YAP1: variants seen among roughly 807,000 people sequenced by gnomAD.
YAP1 encodes the protein Yes1 associated transcriptional regulator, also known as transcriptional coactivator YAP1.
YAP1 carries 5 observed loss-of-function variants against 56.9 expected under a neutral mutation model. The observed-to-expected ratio is 0.09, with a 90% confidence interval of 0.05 to 0.18. The LOEUF (loss-of-function observed/expected upper bound fraction) is 0.18. Ranked by LOEUF, YAP1 falls within the 10% of genes least tolerant of loss-of-function variation. YAP1 has a pLI of 1.00. For synonymous variants in YAP1, 265 were observed against 248.1 expected (o/e 1.07, Z -0.64); for missense variants, 539 against 651.8 (o/e 0.83, Z 1.88).
At position 102,164,007 on chromosome 11, in the gene YAP1, T is replaced by A. The variant is rs1946444765; in HGVS notation, c.688+1436T>A. 2.0e-5 allele frequency among the ~76,000 whole-genome samples: 3 copies of A among 152,174 alleles called. No individual in the cohort carries two copies. In the South Asian group the frequency reaches 6.2e-4, roughly 31 times the overall value. Reference sequence around the variant, plus strand: ...ATACTACGAATACATTCTCAGAATCTCTTTTATATGTGACACTTAAGTAAA... The same window carrying A: ...ATACTACGAATACATTCTCAGAATCACTTTTATATGTGACACTTAAGTAAA... On this transcript the variant is annotated intron_variant, in intron 3 of 8. Transcript: ENST00000282441.
chr11:102,194,988 C>T (rs917145972), intron 4 of YAP1, among the ~76,000 whole-genome samples: 1 of 152,000 alleles, frequency 6.6e-6, no homozygotes, highest in Non-Finnish European at 1.5e-5. Context: ...GAACTCCTGT[C>T]CTGAAGCAGT....
chr11:102,176,625 A>G (rs374238287), intron 3 of YAP1, among the ~76,000 whole-genome samples: 24 of 151,822 alleles, frequency 1.6e-4, no homozygotes, highest in Middle Eastern at 3.4e-3. Context: ...GCACCCCTGT[A>G]ATCCCAGCTA....
At chr11:102,190,885 T>C (rs1018743361) in intron 4 of YAP1, among the ~76,000 whole-genome samples, 3 of 151,786 alleles carry the variant, frequency 2.0e-5, no homozygotes, top group African/African-American at 7.3e-5. Context: ...TGCAGTGAGC[T>C]AAGATGGTGC....
chr11:102,142,425 G>T (rs932432414), intron 2 of YAP1, among the ~76,000 whole-genome samples: 2 of 152,188 alleles, frequency 1.3e-5, no homozygotes, highest in Non-Finnish European at 2.9e-5. Context: ...AATTAAAGAA[G>T]TTTGAGATTT....
chr11:102,226,226 A>G (rs1950186725), intron 7 of YAP1, among the ~76,000 whole-genome samples: 1 of 152,210 alleles, frequency 6.6e-6, no homozygotes, highest in Admixed American at 6.5e-5. Context: ...ATGGTCTCAG[A>G]GGCAAATGTG....
chr11:102,174,056 C>G (rs1947080397), intron 3 of YAP1, among the ~76,000 whole-genome samples: 1 of 152,184 alleles, frequency 6.6e-6, no homozygotes, highest in East Asian at 1.9e-4. Flanking sequence ...ACCTGAGATT[C>G]TGCATTTCTA....
intron 2 of YAP1, among the ~76,000 whole-genome samples, chr11:102,127,996 G>C (rs1051664714): frequency 5.9e-5 from 9 of 152,254 alleles, no homozygotes; most frequent in South Asian, 4.1e-4. Flanking sequence ...TATTTACCCA[G>C]TACCTGTACC....
intron 6 of YAP1, among the ~76,000 whole-genome samples, chr11:102,218,919 T>TG (rs1332093705): frequency 6.6e-6 from 1 of 152,202 alleles, no homozygotes; most frequent in Non-Finnish European, 1.5e-5. Flanking sequence ...AGCAAGAACA[T>TG]GGAGAGTCTA....
In YAP1 at chr11:102,233,236, G is replaced by C. The variant is rs1455605863; in HGVS notation, c.*3296G>C. On this transcript the variant is annotated 3_prime_UTR_variant, in exon 9 of 9. Transcript: ENST00000282441. ...TCCACATTTTAAATGTTTTATATTA[G>C]AGAATTCTTTAATGCACACTTGTCA... 1.3e-5 allele frequency: 2 copies of C among 152,116 alleles called. No individual in the cohort carries two copies. Among genetic ancestry groups the C allele is most frequent in the Admixed American group, 6.5e-5 (1 of 15,268 alleles). The allele number at this position is 152,116 out of a possible 1,614,324, so 9.4% of individuals were successfully genotyped here. A position where few individuals can be genotyped will look rare whatever the true frequency, so the allele number is the denominator to read the frequency against.
At chr11:102,167,746 TA>T (rs1946687876) in intron 3 of YAP1, among the ~76,000 whole-genome samples, 1 of 152,040 alleles carries the variant, frequency 6.6e-6, no homozygotes, top group African/African-American at 2.4e-5. Context: ...AAAAAAGTCA[TA>T]ATTTATAAGG....
At position 102,110,806 on chromosome 11, in the gene YAP1, G is replaced by A; in HGVS notation, c.-43G>A. ...GCCGGGGCGTCCGGGCGTAGCCCTC[G>A]CTCGCCTGGGTCAGGGGGTGCGCGT... is the stretch of plus-strand genomic sequence containing the variant. On this transcript the variant is annotated 5_prime_UTR_variant, in exon 1 of 9. Coordinates refer to ENST00000282441, the MANE Select transcript of YAP1 (RefSeq NM_001130145.3). The A allele has an allele frequency of 3.0e-6, 4 of 1,315,738 alleles. No homozygotes were observed. Among genetic ancestry groups the A allele is most frequent in the Non-Finnish European group, 3.9e-6 (4 of 1,037,776 alleles). 81.5% of individuals were successfully genotyped at this position (1,315,738 alleles called of 1,614,324 possible). A position where few individuals can be genotyped will look rare whatever the true frequency, so the allele number is the denominator to read the frequency against.
chr11:102,227,201 C>T (rs1041767070), intron 7 of YAP1: 4 of 363,414 alleles, frequency 1.1e-5, no homozygotes, highest in Non-Finnish European at 1.0e-5. Context: ...CTTTTTTTGT[C>T]CCTTATTGTC....
chr11:102,135,297 T>G (rs1245327518), intron 2 of YAP1, among the ~76,000 whole-genome samples: 1 of 152,254 alleles, frequency 6.6e-6, no homozygotes, highest in Admixed American at 6.5e-5. Context: ...ACTTACGGCT[T>G]AAAACAACCA....
intron 1 of YAP1, chr11:102,112,498 A>G (rs1943014839): frequency 1.0e-6 from 1 of 980,492 alleles, no homozygotes; most frequent in Non-Finnish European, 1.2e-6. Flanking sequence ...CCAAAAGTTA[A>G]TAGGTTTTCC....
At chr11:102,199,347 T>C (rs1228947033) in intron 4 of YAP1, among the ~76,000 whole-genome samples, 2 of 152,216 alleles carry the variant, frequency 1.3e-5, no homozygotes, top group African/African-American at 4.8e-5. Context: ...ACTATGTTTG[T>C]TGGTAACAGA....
chr11:102,187,635 C>T (rs953297366), intron 4 of YAP1, among the ~76,000 whole-genome samples: 2 of 152,198 alleles, frequency 1.3e-5, no homozygotes, highest in South Asian at 2.1e-4. Context: ...AAGATGATGA[C>T]GAACGCTTTA....
intron 4 of YAP1, among the ~76,000 whole-genome samples, chr11:102,202,334 A>ATTT (rs34528413): frequency 0.11 from 14,068 of 130,740 alleles, 863 homozygotes; most frequent in East Asian, 0.21. Flanking sequence ...CACCTGGCTA[A>ATTT]TTTTTTTTTT....
chr11:102,205,110 GT>G (rs1389957282), intron 4 of YAP1, among the ~76,000 whole-genome samples: 2 of 151,900 alleles, frequency 1.3e-5, no homozygotes, highest in African/African-American at 4.8e-5. Flanking sequence ...TAAAAACCCA[GT>G]CCATTTCTAA....
At chr11:102,148,982 C>T (rs1945477352) in intron 2 of YAP1, among the ~76,000 whole-genome samples, 1 of 152,054 alleles carries the variant, frequency 6.6e-6, no homozygotes, top group Admixed American at 6.6e-5. Context: ...ATAGATAGAG[C>T]CTATTAAAAT....
Sources: gnomAD v4.1 joint callset for allele counts (sites outside exome capture counted in the v4.1 genomes callset) on GRCh38, gnomAD v4.1.1 for gene constraint, MANE v1.5 for transcripts, NCBI Gene and HGNC (gene_info 2026-07-23, HGNC 2026-07-21) for gene names.